The following ZNF148 variants were observed in gnomAD, a reference collection of about 807,000 sequenced individuals.
ZNF148 encodes the protein Beta-Enolase Repressor Factor-1.
Under a neutral mutation model 67.7 loss-of-function variants are expected in ZNF148, and 7 were observed. That is an observed-to-expected ratio of 0.10 (90% CI 0.06 to 0.19). The LOEUF is 0.19. ZNF148 is among the 10% of genes least tolerant of loss of function. ZNF148 has a pLI of 1.00. For synonymous variants in ZNF148, 333 were observed against 330.7 expected (o/e 1.01, Z -0.08); for missense variants, 583 against 947.1 (o/e 0.62, Z 5.05).
chr3:125,245,575 C>T (rs752400941), intron 7 of ZNF148, among the ~76,000 whole-genome samples: 33 of 152,236 alleles, frequency 2.2e-4, no homozygotes, highest in Admixed American at 6.5e-4. Context: ...CTCCTCTCCC[C>T]TCTAAACTGC....
intron 1 of ZNF148, among the ~76,000 whole-genome samples, chr3:125,363,031 AGCC>A (rs1276888130): frequency 6.6e-6 from 1 of 152,164 alleles, no homozygotes; most frequent in Non-Finnish European, 1.5e-5. Flanking sequence ...TATAATTCTC[AGCC>A]ACTGAGGGTC....
At chr3:125,311,947 C>T (rs987029958) in intron 4 of ZNF148, among the ~76,000 whole-genome samples, 3 of 152,128 alleles carry the variant, frequency 2.0e-5, no homozygotes, top group African/African-American at 7.2e-5. Flanking sequence ...ATCAAATCAA[C>T]AATAACTTTC....
intron 7 of ZNF148, among the ~76,000 whole-genome samples, chr3:125,246,306 G>A (rs147453360): frequency 7.2e-5 from 11 of 151,804 alleles, no homozygotes; most frequent in Non-Finnish European, 1.3e-4. Flanking sequence ...AATTACAAAG[G>A]GTAGACAATA....
chr3:125,287,550 G>A (rs1440263951), intron 5 of ZNF148, among the ~76,000 whole-genome samples: 2 of 152,098 alleles, frequency 1.3e-5, no homozygotes, highest in Admixed American at 1.3e-4. Context: ...GAGGGAGGAG[G>A]ATCCCTTGAG....
At chr3:125,262,731 T>A (rs1937397654) in intron 7 of ZNF148, among the ~76,000 whole-genome samples, 1 of 152,230 alleles carries the variant, frequency 6.6e-6, no homozygotes, top group African/African-American at 2.4e-5. Context: ...TCTAAGATAT[T>A]AAACTGCTAT....
intron 3 of ZNF148, among the ~76,000 whole-genome samples, chr3:125,314,748 G>C (rs1940400339): frequency 6.6e-6 from 1 of 152,152 alleles, no homozygotes; most frequent in Admixed American, 6.5e-5. Flanking sequence ...TCTTTAGGTA[G>C]TAAAGTTAAA....
At chr3:125,277,688 T>C in intron 7 of ZNF148, 38 bp downstream of exon 7, 1 of 1,549,404 alleles carries the variant, frequency 6.5e-7, no homozygotes, top group Non-Finnish European at 8.8e-7. Flanking sequence ...TTTGAAATAA[T>C]CATTTTAATG....
At chr3:125,367,376 C>T (rs775976471) in intron 1 of ZNF148, among the ~76,000 whole-genome samples, 3 of 152,178 alleles carry the variant, frequency 2.0e-5, no homozygotes, top group Non-Finnish European at 4.4e-5. Context: ...ACCTTTCCTT[C>T]CCCATCTGCT....
chr3:125,284,168 C>T (rs943923792), intron 5 of ZNF148, among the ~76,000 whole-genome samples: 3 of 152,034 alleles, frequency 2.0e-5, no homozygotes, highest in Admixed American at 6.6e-5. Context: ...TTATATTTTA[C>T]TGAAAAAAAT....
chr3:125,350,748 T>C (rs1942116759), intron 1 of ZNF148, among the ~76,000 whole-genome samples: 1 of 152,194 alleles, frequency 6.6e-6, no homozygotes, highest in Non-Finnish European at 1.5e-5. Flanking sequence ...CAGGCAGTAA[T>C]GCTCACTCAC....
intron 1 of ZNF148, among the ~76,000 whole-genome samples, chr3:125,362,941 T>C (rs1942589675): frequency 6.6e-6 from 1 of 152,178 alleles, no homozygotes; most frequent in African/African-American, 2.4e-5. Context: ...CCTCTCTGGT[T>C]GTTTCTTCTA....
At chr3:125,325,488 C>T (rs1328477999) in intron 2 of ZNF148, among the ~76,000 whole-genome samples, 10 of 151,578 alleles carry the variant, frequency 6.6e-5, no homozygotes, top group Admixed American at 6.6e-4. Context: ...TTTTTTGAGA[C>T]AGAGTCTCAC....
At chr3:125,288,531 A>C (rs1357868628) in intron 4 of ZNF148, among the ~76,000 whole-genome samples, 1 of 151,872 alleles carries the variant, frequency 6.6e-6, no homozygotes, top group East Asian at 1.9e-4. Context: ...GGAAATCGTA[A>C]CATCAATTTC....
chr3:125,287,228 CAT>C (rs971797128), intron 5 of ZNF148, among the ~76,000 whole-genome samples: 4 of 152,036 alleles, frequency 2.6e-5, no homozygotes, highest in Admixed American at 2.6e-4. Context: ...TTTCTCACCA[CAT>C]GAGGGAAGAA....
chr3:125,340,445 C>T (rs1208540007), intron 1 of ZNF148, among the ~76,000 whole-genome samples: 1 of 152,208 alleles, frequency 6.6e-6, no homozygotes, highest in African/African-American at 2.4e-5. Context: ...AACCTCTTCA[C>T]TTGCCCAAAG....
chr3:125,332,991 C>T (rs1272220422), intron 1 of ZNF148, among the ~76,000 whole-genome samples: 1 of 152,072 alleles, frequency 6.6e-6, no homozygotes, highest in East Asian at 1.9e-4. Flanking sequence ...ACTGCAAAGC[C>T]TATAGACAGG....
intron 1 of ZNF148, among the ~76,000 whole-genome samples, chr3:125,362,493 T>TA (rs1451382276): frequency 1.3e-5 from 2 of 151,934 alleles, no homozygotes; most frequent in Non-Finnish European, 2.9e-5. Flanking sequence ...AAACAAAAAC[T>TA]AAAAAATCTA....
At chr3:125,367,919 A>T (rs1942751481) in intron 1 of ZNF148, among the ~76,000 whole-genome samples, 1 of 152,232 alleles carries the variant, frequency 6.6e-6, no homozygotes. Flanking sequence ...TGAATCTGAA[A>T]GGAACAAACC....
chr3:125,276,340 T>C (rs1938062491), intron 7 of ZNF148, among the ~76,000 whole-genome samples: 1 of 152,116 alleles, frequency 6.6e-6, no homozygotes. Flanking sequence ...AAACTGAAAC[T>C]AGTAATGTGC....
Sources: gnomAD v4.1 joint callset for allele counts (sites outside exome capture counted in the v4.1 genomes callset) on GRCh38, gnomAD v4.1.1 for gene constraint, MANE v1.5 for transcripts, NCBI Gene and HGNC (gene_info 2026-07-23, HGNC 2026-07-21) for gene names.